SUCLA2: variants seen among roughly 807,000 people sequenced by gnomAD.
SUCLA2 encodes succinate-CoA ligase ADP-forming subunit beta.
A neutral mutation model predicts 54.8 loss-of-function variants in SUCLA2; 30 were observed. That is an observed-to-expected ratio of 0.55 (90% confidence interval 0.41 to 0.74). The LOEUF is 0.74. Among genes scored for constraint, SUCLA2 ranks in the 30% least tolerant of loss-of-function variants. SUCLA2 has a pLI of 0.00. For missense variants in SUCLA2, 476 were observed against 562.9 expected (o/e 0.85, Z 1.56); for synonymous variants, 172 against 188.9 (o/e 0.91, Z 0.74).
intron 6 of SUCLA2, among the ~76,000 whole-genome samples, chr13:47,965,339 A>G (rs1209284576): frequency 1.3e-5 from 2 of 152,076 alleles, no homozygotes; most frequent in Admixed American, 1.3e-4. Context: ...ACGATCTTAA[A>G]CAAGTGAGCC....
rs114177327 is a variant in SUCLA2, at chr13:47,981,461, T to C, written c.534+7080A>G. ...TGGCCACTACCAAAAAAACAGAAAA[T>C]GAATATTGGCGAGGATGCAGAAAAA... On this transcript the variant is annotated intron_variant, in intron 4 of 10. Transcript: ENST00000646932. 5.7e-3 allele frequency among the ~76,000 whole-genome samples: 872 copies of C among 151,746 alleles called. 5 individuals carry two copies. The highest frequency in any genetic ancestry group is 0.019 in the African/African-American group (766 of 41,320).
At chr13:48,001,071 A>T (rs1287501952) in intron 1 of SUCLA2, 109 bp downstream of exon 1, 5 of 1,526,988 alleles carry the variant, frequency 3.3e-6, no homozygotes, top group Non-Finnish European at 4.4e-6. Context: ...CAGGGCACCC[A>T]GAAAATGTCA....
chr13:47,957,960 G>C (rs1949835543), intron 6 of SUCLA2, among the ~76,000 whole-genome samples: 1 of 152,168 alleles, frequency 6.6e-6, no homozygotes, highest in South Asian at 2.1e-4. Context: ...ATATAGTCAT[G>C]AGAAATTAGA....
intron 6 of SUCLA2, among the ~76,000 whole-genome samples, 178 bp from the exon 7 acceptor site, chr13:47,954,735 G>A (rs994169075): frequency 1.1e-4 from 16 of 152,002 alleles, no homozygotes; most frequent in African/African-American, 3.6e-4. Flanking sequence ...GAATATTTGG[G>A]AATTAAAACT....
chr13:47,978,064 T>A (rs1950031478), intron 4 of SUCLA2, among the ~76,000 whole-genome samples: 1 of 152,102 alleles, frequency 6.6e-6, no homozygotes, highest in African/African-American at 2.4e-5. Flanking sequence ...ATAGGAAGAA[T>A]CAATATCATG....
chr13:47,996,494 A>G (rs947042406), intron 2 of SUCLA2, among the ~76,000 whole-genome samples: 1 of 151,898 alleles, frequency 6.6e-6, no homozygotes, highest in African/African-American at 2.4e-5. Context: ...TTCCTTCACC[A>G]TTTCCCTGAA....
chr13:47,988,899 T>C lies in SUCLA2; in HGVS notation c.354A>G (p.Gly118=), dbSNP rs910297389. Residue 118 remains glycine, a synonymous_variant, in exon 3 of 11, where the codon GGA becomes GGG. Coordinates refer to ENST00000646932, the MANE Select transcript of SUCLA2 (RefSeq NM_003850.3). ...KGTFESGLKG[G]VKIVFSPEEA... ...TGACTTACGAGAAAACTATCTTCAC[T>C]CCTCCTTTGAGGCCACTTTCAAATG... 1.2e-6 allele frequency: 2 copies of C among 1,612,756 alleles called. No homozygotes were observed. Among genetic ancestry groups the C allele is most frequent in the African/African-American group, 1.3e-5 (1 of 74,910 alleles).
At chr13:47,948,075 AT>A (rs888382773) in intron 10 of SUCLA2, among the ~76,000 whole-genome samples, 12 of 152,254 alleles carry the variant, frequency 7.9e-5, no homozygotes, top group South Asian at 4.1e-4. Context: ...AGTAACAGTA[AT>A]TTTTTTATAC....
At chr13:47,971,972 C>T (rs534291416) in intron 5 of SUCLA2, 10 of 397,654 alleles carry the variant, frequency 2.5e-5, no homozygotes, top group Non-Finnish European at 3.5e-5. Flanking sequence ...ATGAAGGGAC[C>T]GGACGCGGTG....
intron 6 of SUCLA2, among the ~76,000 whole-genome samples, chr13:47,966,167 AAAGAG>A (rs1949916818): frequency 6.6e-6 from 1 of 151,848 alleles, no homozygotes; most frequent in Admixed American, 6.7e-5. Flanking sequence ...ACACAGACAG[AAAGAG>A]AGCAGAAAGA....
At chr13:47,943,764 G>GTATATA (rs1366859649) in intron 10 of SUCLA2, among the ~76,000 whole-genome samples, 8,701 of 137,842 alleles carry the variant, frequency 0.063, 316 homozygotes, top group Middle Eastern at 0.08. Flanking sequence ...GTGTGTGTGT[G>GTATATA]TGTATATATA....
At chr13:47,987,662 G>A (rs1328610605) in intron 4 of SUCLA2, 1 of 151,958 alleles carries the variant, frequency 6.6e-6, no homozygotes, top group Non-Finnish European at 1.5e-5. Flanking sequence ...AGATTTAATT[G>A]TAAATAAGAA....
intron 3 of SUCLA2, 26 bp downstream of exon 3, chr13:47,988,856 A>AT (rs775126766): frequency 1.2e-6 from 2 of 1,607,450 alleles, no homozygotes; most frequent in African/African-American, 2.7e-5. Context: ...AACAAGGATG[A>AT]TTTTTCCTTA....
intron 5 of SUCLA2, among the ~76,000 whole-genome samples, chr13:47,971,144 G>A (rs766920605): frequency 3.3e-5 from 5 of 152,136 alleles, no homozygotes; most frequent in Non-Finnish European, 5.9e-5. Flanking sequence ...CAGGCGCGGC[G>A]GCTCACACCT....
intron 6 of SUCLA2, among the ~76,000 whole-genome samples, chr13:47,966,877 C>T (rs1419819608): frequency 6.6e-6 from 1 of 151,868 alleles, no homozygotes; most frequent in African/African-American, 2.4e-5. Flanking sequence ...ATTAGCCAGG[C>T]ATGGTGGTGG....
At position 47,954,096 on chromosome 13, in the gene SUCLA2, T is replaced by C. The variant is rs766975756; in HGVS notation, c.1107+44A>G. On this transcript the variant is annotated intron_variant, in intron 8 of 10. Coordinates refer to ENST00000646932, the MANE Select transcript of SUCLA2 (RefSeq NM_003850.3). ...TATACATTTTTATAAGTATTTATTT[T>C]ATATATTTACATGATATAAAAATAT... The C allele has an allele frequency of 6.4e-6, 9 of 1,399,550 alleles. No homozygotes were observed. In the South Asian group the frequency reaches 1.6e-4, roughly 25 times the overall value. The allele number at this position is 1,399,550 out of a possible 1,614,324, so 86.7% of individuals were successfully genotyped here. A position where few individuals can be genotyped will look rare whatever the true frequency, so the allele number is the denominator to read the frequency against.
In SUCLA2 at chr13:47,988,709, A is replaced by G. The variant is rs139004670; in HGVS notation, c.372-6T>C. The G allele has an allele frequency of 9.4e-5, 151 of 1,613,502 alleles. No individual in the cohort carries two copies. In the African/African-American group the frequency reaches 1.7e-3, roughly 18 times the overall value. ...CAGCTTTTGCTTCTTCTGGACTAAA[A>G]TAAGAAAAAGAACTCAAATTTTTCT... On this transcript the variant is annotated splice_polypyrimidine_tract_variant and splice_region_variant and intron_variant, in intron 3 of 10. Transcript: ENST00000646932.
intron 5 of SUCLA2, among the ~76,000 whole-genome samples, chr13:47,969,604 C>T (rs1949946477): frequency 6.6e-6 from 1 of 152,210 alleles, no homozygotes; most frequent in African/African-American, 2.4e-5. Context: ...ACCACTGGTA[C>T]AGAGGATACA....
At chr13:47,977,721 C>A (rs1417561698) in intron 4 of SUCLA2, among the ~76,000 whole-genome samples, 1 of 151,960 alleles carries the variant, frequency 6.6e-6, no homozygotes, top group Admixed American at 6.6e-5. Flanking sequence ...AATTGAATAC[C>A]CTTTCACGAT....
Sources: gnomAD v4.1 joint callset for allele counts (sites outside exome capture counted in the v4.1 genomes callset) on GRCh38, gnomAD v4.1.1 for gene constraint, MANE v1.5 for transcripts, NCBI Gene and HGNC (gene_info 2026-07-23, HGNC 2026-07-21) for gene names.